The following PIK3C2G variants were observed in gnomAD, a reference collection of about 807,000 sequenced individuals.
PIK3C2G encodes the protein phosphatidylinositol-4-phosphate 3-kinase catalytic subunit type 2 gamma, also known as phosphatidylinositol 3-kinase C2 domain-containing subunit gamma.
A neutral mutation model predicts 181.1 loss-of-function variants in PIK3C2G; 168 were observed. The observed-to-expected ratio is 0.93, with a 90% CI of 0.82 to 1.05. PIK3C2G has a LOEUF of 1.05. Among genes scored for constraint, PIK3C2G ranks in the 50% least tolerant of loss-of-function variants. PIK3C2G has a pLI of 0.00. For missense variants in PIK3C2G, 1,869 were observed against 1,732.8 expected, an observed-to-expected ratio of 1.08 and a Z score of -1.40; for synonymous variants, 573 against 592.2, an observed-to-expected ratio of 0.97 and a Z score of 0.47.
At chr12:18,292,883 A>G (rs1949773547) in intron 4 of PIK3C2G, among the ~76,000 whole-genome samples, 1 of 152,208 alleles carries the variant, frequency 6.6e-6, no homozygotes, top group African/African-American at 2.4e-5. Context: ...GTGGAGACTT[A>G]CAGTCATTAA....
At chr12:18,653,289 A>G (rs1033948018), downstream of PIK3C2G, among the ~76,000 whole-genome samples, 5 of 152,160 alleles carry the variant, frequency 3.3e-5, no homozygotes, top group Non-Finnish European at 7.4e-5. Context: ...TGAAGATTTG[A>G]TATTACATAG....
chr12:18,538,670 C>T (rs1943993606), intron 25 of PIK3C2G, among the ~76,000 whole-genome samples: 2 of 152,018 alleles, frequency 1.3e-5, no homozygotes, highest in Admixed American at 1.3e-4. Flanking sequence ...ATTTATATAT[C>T]ATGACAACCT....
chr12:18,500,477 C>T (rs1176540372), intron 22 of PIK3C2G, among the ~76,000 whole-genome samples: 1 of 152,198 alleles, frequency 6.6e-6, no homozygotes, highest in African/African-American at 2.4e-5. Context: ...GAGCGCGGCC[C>T]CCTGCTCCAC....
chr12:18,278,600 T>C (rs1007916924), intron 1 of PIK3C2G, among the ~76,000 whole-genome samples: 1 of 152,158 alleles, frequency 6.6e-6, no homozygotes, highest in Non-Finnish European at 1.5e-5. Flanking sequence ...TTTTCTATAG[T>C]TCTGCAGTCT....
At chr12:18,363,050 A>G in intron 12 of PIK3C2G, 164 bp downstream of exon 12, 1 of 496,078 alleles carries the variant, frequency 2.0e-6, no homozygotes, top group Non-Finnish European at 3.5e-6. Context: ...CTGATTGTTC[A>G]ATTCAACAGA....
chr12:18,718,226 A>G, the PIK3C2G span, among the ~76,000 whole-genome samples: 1 of 152,148 alleles, frequency 6.6e-6, no homozygotes, highest in Admixed American at 6.6e-5. Context: ...AAGCATCTGT[A>G]TCTCAAATTC....
intron 18 of PIK3C2G, among the ~76,000 whole-genome samples, chr12:18,464,773 T>C (rs556634043): frequency 2.2e-4 from 33 of 152,206 alleles, no homozygotes; most frequent in Admixed American, 3.3e-4. Context: ...GTTTGTAAAT[T>C]CTAGTTTGTT....
intron 18 of PIK3C2G, among the ~76,000 whole-genome samples, chr12:18,471,115 T>C (rs937925373): frequency 5.9e-5 from 9 of 152,138 alleles, no homozygotes; most frequent in African/African-American, 1.9e-4. Flanking sequence ...AATGCAATTA[T>C]CTGAAAAGAA....
intron 31 of PIK3C2G, among the ~76,000 whole-genome samples, chr12:18,639,851 G>A (rs1233583492): frequency 6.6e-6 from 1 of 151,296 alleles, no homozygotes; most frequent in Non-Finnish European, 1.5e-5. Context: ...AATTTAAAAG[G>A]GATTATCCAA....
Position 18,380,504 on chromosome 12 carries a change from CA to C in PIK3C2G, c.1881-1259del, listed in dbSNP as rs543132730. Among the ~76,000 whole-genome samples the C allele has an allele frequency of 4.1e-4, 62 of 152,238 alleles. No individual in the cohort carries two copies. The South Asian group carries it at 5.2e-3, about 13-fold the overall frequency. On this transcript the variant is annotated intron_variant, in intron 13 of 32. Transcript: ENST00000538779. ...GGTGAAGCTCCTATGCTCTGACAGG[CA>C]AAGGGGAAAATTACAATAAAAATTT...
chr12:18,630,107 A>C (rs1290465090), intron 31 of PIK3C2G, among the ~76,000 whole-genome samples: 1 of 152,134 alleles, frequency 6.6e-6, no homozygotes, highest in Admixed American at 6.6e-5. Context: ...CATGACTATG[A>C]AAGTAAAGAA....
intron 6 of PIK3C2G, among the ~76,000 whole-genome samples, chr12:18,317,833 C>A (rs985403277): frequency 1.6e-4 from 24 of 152,148 alleles, no homozygotes; most frequent in Non-Finnish European, 2.6e-4. Context: ...TGTTTAATTT[C>A]TTCATCAAAA....
At chr12:18,448,458 T>C (rs1026247330) in intron 18 of PIK3C2G, among the ~76,000 whole-genome samples, 1 of 152,126 alleles carries the variant, frequency 6.6e-6, no homozygotes, top group African/African-American at 2.4e-5. Context: ...TACAGTGTTA[T>C]TAACTATAGT....
chr12:18,404,537 A>T (rs915280108), intron 16 of PIK3C2G, among the ~76,000 whole-genome samples: 1 of 152,302 alleles, frequency 6.6e-6, no homozygotes, highest in East Asian at 1.9e-4. Context: ...AAGTAAGGAA[A>T]AGTTCACAAA....
intron 24 of PIK3C2G, among the ~76,000 whole-genome samples, chr12:18,507,035 C>CTT (rs761922159): frequency 3.4e-5 from 5 of 145,800 alleles, no homozygotes; most frequent in African/African-American, 5.0e-5. Context: ...TTTTCTTTTA[C>CTT]TTTTTTTTTT....
chr12:18,308,892 G>T (rs190105928), intron 5 of PIK3C2G, among the ~76,000 whole-genome samples: 61 of 151,776 alleles, frequency 4.0e-4, no homozygotes, highest in Admixed American at 4.0e-3. Context: ...GCACTGTTAT[G>T]TGTTTAGAAA....
At chr12:18,551,812 A>T (rs1279332891) in intron 26 of PIK3C2G, among the ~76,000 whole-genome samples, 3 of 151,952 alleles carry the variant, frequency 2.0e-5, no homozygotes, top group African/African-American at 7.3e-5. Context: ...CAGGCCTTCT[A>T]CTCTGTTTAC....
At chr12:18,613,483 T>G (rs1948446616) in intron 31 of PIK3C2G, among the ~76,000 whole-genome samples, 1 of 152,066 alleles carries the variant, frequency 6.6e-6, no homozygotes, top group African/African-American at 2.4e-5. Flanking sequence ...ACACTAAAAC[T>G]GTATTACTTT....
chr12:18,373,233 C>T (rs943267931), intron 13 of PIK3C2G, among the ~76,000 whole-genome samples: 2 of 152,170 alleles, frequency 1.3e-5, no homozygotes, highest in Admixed American at 1.3e-4. Flanking sequence ...AAATTGGTGA[C>T]TGAATTTCAT....
Sources: allele counts gnomAD v4.1 joint callset (sites outside exome capture counted in the v4.1 genomes callset), GRCh38; gene constraint gnomAD v4.1.1; transcripts MANE v1.5; gene names NCBI Gene and HGNC (gene_info 2026-07-23, HGNC 2026-07-21).